Variants in PRPS2 observed in about 807,000 individuals in gnomAD.
The protein encoded by PRPS2 is phosphoribosyl pyrophosphate synthetase 2, also known as ribose-phosphate pyrophosphokinase 2.
For missense variants in PRPS2, 104 were observed against 271.5 expected, an observed-to-expected ratio of 0.38 and a Z score of 4.34; for synonymous variants, 111 against 115.3, an observed-to-expected ratio of 0.96 and a Z score of 0.24.
At chrX:12,813,614 G>GTACC (rs1391487623) in intron 4 of PRPS2, among the ~76,000 whole-genome samples, 1 of 111,685 alleles carries the variant, frequency 9.0e-6, no homozygotes. Context: ...GATCAGGTAG[G>GTACC]TGATCTATGG....
intron 2 of PRPS2, among the ~76,000 whole-genome samples, chrX:12,802,709 T>C (rs7881129): frequency 0.031 from 3,499 of 112,907 alleles, 135 homozygotes; most frequent in African/African-American, 0.1. Flanking sequence ...TAGACAGATG[T>C]GTTTTCCATT....
Position 12,798,150 on chromosome X carries a change from TC to T in PRPS2, c.123-1056del, listed in dbSNP as rs200874857. 5.4e-5 allele frequency among the ~76,000 whole-genome samples: 6 copies of T among 112,064 alleles called. No homozygotes were observed. In the East Asian group the frequency reaches 1.7e-3, roughly 31 times the overall value. ...TTAGGGTGGAATCTGGATTCAGGAT[TC>T]AGAAAACTTAGCAGATAAAAAGGTA... On this transcript the variant is annotated intron_variant, in intron 1 of 6. Coordinates refer to ENST00000380668, the MANE Select transcript of PRPS2 (RefSeq NM_002765.5).
At chrX:12,813,539 A>G (rs1054402934) in intron 4 of PRPS2, among the ~76,000 whole-genome samples, 2 of 112,014 alleles carry the variant, frequency 1.8e-5, no homozygotes, top group African/African-American at 6.5e-5. Context: ...TCCATCATGT[A>G]TGGATGCCAG....
intron 2 of PRPS2, among the ~76,000 whole-genome samples, chrX:12,804,530 A>C (rs1343739497): frequency 9.0e-6 from 1 of 111,230 alleles, no homozygotes; most frequent in Non-Finnish European, 1.9e-5. Flanking sequence ...TGTACTGAGA[A>C]ACTGTACTTT....
intron 1 of PRPS2, among the ~76,000 whole-genome samples, chrX:12,795,932 G>A (rs2042540802): frequency 8.9e-6 from 1 of 112,714 alleles, no homozygotes. Context: ...CCCTCATCCT[G>A]TGAGGTTGGC....
chrX:12,803,594 C>T (rs1174640402), intron 2 of PRPS2, among the ~76,000 whole-genome samples: 1 of 112,990 alleles, frequency 8.9e-6, no homozygotes, highest in South Asian at 3.6e-4. Flanking sequence ...CCACACCTGG[C>T]ATCTCTCTTT....
At chrX:12,796,728 G>A (rs1370312355) in intron 1 of PRPS2, among the ~76,000 whole-genome samples, 1 of 110,861 alleles carries the variant, frequency 9.0e-6, no homozygotes, top group Non-Finnish European at 1.9e-5. Flanking sequence ...CAGGGCTTAT[G>A]AGAAAAATGG....
At chrX:12,822,383 G>T (rs754480910) in intron 6 of PRPS2, among the ~76,000 whole-genome samples, 1 of 112,030 alleles carries the variant, frequency 8.9e-6, no homozygotes, top group East Asian at 2.8e-4. Flanking sequence ...AAAACCTTCC[G>T]TATAATGATT....
intron 4 of PRPS2, among the ~76,000 whole-genome samples, chrX:12,813,427 G>A (rs779999973): frequency 2.7e-5 from 3 of 112,347 alleles, no homozygotes; most frequent in South Asian, 3.7e-4. Flanking sequence ...AGTAGGATAC[G>A]TTCCTAGAAG....
chrX:12,820,937 G>A (rs1383974119), intron 6 of PRPS2, 134 bp downstream of exon 6: 11 of 674,391 alleles, frequency 1.6e-5, no homozygotes, highest in South Asian at 6.9e-5. Context: ...TTCTCATGAC[G>A]GCAGGATATA....
chrX:12,799,136 G>A, intron 1 of PRPS2, 71 bp from the exon 2 acceptor site: 1 of 1,033,310 alleles, frequency 9.7e-7, no homozygotes, highest in Non-Finnish European at 1.3e-6. Flanking sequence ...ATCAAACCTA[G>A]GGGTGGTCTC....
chrX:12,807,687 C>T (rs1377251181), intron 2 of PRPS2, among the ~76,000 whole-genome samples: 9 of 110,457 alleles, frequency 8.1e-5, no homozygotes, highest in Admixed American at 6.8e-4. Flanking sequence ...GAATATAGTA[C>T]GGGGGAGTTA....
chrX:12,817,767 A>G (rs1394515953), intron 4 of PRPS2, among the ~76,000 whole-genome samples: 1 of 111,945 alleles, frequency 8.9e-6, no homozygotes, highest in African/African-American at 3.2e-5. Flanking sequence ...TGGATGGACT[A>G]TGAACAGTTT....
At chrX:12,819,278 G>A (rs188303109) in intron 4 of PRPS2, among the ~76,000 whole-genome samples, 3 of 112,420 alleles carry the variant, frequency 2.7e-5, no homozygotes, top group Admixed American at 1.9e-4. Flanking sequence ...CAGTGGCCAG[G>A]GTGCCCTGAC....
At chrX:12,817,681 C>T (rs1379565280) in intron 4 of PRPS2, among the ~76,000 whole-genome samples, 1 of 110,944 alleles carries the variant, frequency 9.0e-6, no homozygotes, top group Non-Finnish European at 1.9e-5. Context: ...AATGGATGAA[C>T]GCAATGCGCT....
At chrX:12,811,080 C>T (rs2042621692) in intron 4 of PRPS2, among the ~76,000 whole-genome samples, 1 of 112,128 alleles carries the variant, frequency 8.9e-6, no homozygotes, top group African/African-American at 3.2e-5. Context: ...ATTTCACAAT[C>T]CTAGCTGCTC....
chrX:12,812,414 G>T (rs1274934475), intron 4 of PRPS2, among the ~76,000 whole-genome samples: 1 of 111,937 alleles, frequency 8.9e-6, no homozygotes, highest in East Asian at 2.8e-4. Context: ...ATCGCTTGAG[G>T]TCAGGAGTTC....
At chrX:12,810,542 T>C (rs1184626646) in intron 4 of PRPS2, among the ~76,000 whole-genome samples, 1 of 111,779 alleles carries the variant, frequency 8.9e-6, no homozygotes, top group Admixed American at 9.5e-5. Context: ...AAGAAATCTC[T>C]GTACATAGAA....
chrX:12,813,146 T>G (rs2042632002), intron 4 of PRPS2, among the ~76,000 whole-genome samples: 2 of 112,510 alleles, frequency 1.8e-5, no homozygotes, highest in African/African-American at 6.5e-5. Flanking sequence ...AATTGTGTTA[T>G]TTAAGCGTAT....
Sources: gnomAD v4.1 joint callset for allele counts (sites outside exome capture counted in the v4.1 genomes callset) on GRCh38, gnomAD v4.1.1 for gene constraint, MANE v1.5 for transcripts, NCBI Gene and HGNC (gene_info 2026-07-23, HGNC 2026-07-21) for gene names.